Variants in KDM4C observed in about 807,000 individuals in gnomAD.
KDM4C encodes lysine-specific demethylase 4C.
Under a neutral mutation model 129.3 loss-of-function variants are expected in KDM4C, and 81 were observed. That is an observed-to-expected ratio of 0.63 (90% CI 0.52 to 0.75). The LOEUF (loss-of-function observed/expected upper bound fraction) is 0.75. KDM4C is among the 30% of genes least tolerant of loss of function. The pLI, the probability that KDM4C is intolerant of heterozygous loss-of-function variation, is 0.00. For synonymous variants in KDM4C, 573 were observed against 456.1 expected, an observed-to-expected ratio of 1.26 and a Z score of -3.26; for missense variants, 1,457 against 1,304.0, an observed-to-expected ratio of 1.12 and a Z score of -1.81.
At chr9:6,802,610 C>T (rs1829216828) in intron 2 of KDM4C, among the ~76,000 whole-genome samples, 2 of 152,108 alleles carry the variant, frequency 1.3e-5, no homozygotes, top group South Asian at 4.1e-4. Flanking sequence ...GCTACATAGG[C>T]TGTTACATTT....
chr9:6,913,922 A>G (rs1445838934), intron 8 of KDM4C, among the ~76,000 whole-genome samples: 1 of 152,198 alleles, frequency 6.6e-6, no homozygotes, highest in Non-Finnish European at 1.5e-5. Flanking sequence ...AGAGCAGGGA[A>G]TGAGCTAACA....
intron 1 of KDM4C, among the ~76,000 whole-genome samples, chr9:6,729,530 G>C (rs1251026716): frequency 1.5e-5 from 2 of 133,586 alleles, no homozygotes; most frequent in African/African-American, 3.2e-5. Context: ...TTGGATGACA[G>C]AGACCCTGTC....
chr9:6,803,585 A>G (rs555284531), intron 2 of KDM4C, among the ~76,000 whole-genome samples: 1 of 149,684 alleles, frequency 6.7e-6, no homozygotes, highest in East Asian at 1.9e-4. Context: ...AAAAAAAAAA[A>G]GTTTGTTTTA....
chr9:6,820,714 CTT>C (rs35264767), intron 4 of KDM4C, among the ~76,000 whole-genome samples: 1,479 of 127,068 alleles, frequency 0.012, 16 homozygotes, highest in African/African-American at 0.016. Context: ...CTCTCTCTCT[CTT>C]TTTTTTTTTT....
intron 2 of KDM4C, among the ~76,000 whole-genome samples, chr9:6,798,549 G>T (rs1018771763): frequency 1.3e-5 from 2 of 152,134 alleles, no homozygotes; most frequent in African/African-American, 4.8e-5. Flanking sequence ...AGAGCACAGG[G>T]TTGGGGGTAA....
rs765494911 is a variant in KDM4C at position 6,930,660 on chromosome 9, TAATAGTACAATTAATATATAATA to T, written c.921+37429_921+37451del. 5.9e-3 allele frequency among the ~76,000 whole-genome samples: 429 copies of T among 72,624 alleles called. 1 individual carries two copies. The highest frequency in any genetic ancestry group is 0.012 in the Middle Eastern group (1 of 86). 47.6% of individuals were successfully genotyped at this position (72,624 alleles called of 152,430 possible). A position where few individuals can be genotyped will look rare whatever the true frequency, so the allele number is the denominator to read the frequency against. On this transcript the variant is annotated intron_variant, in intron 8 of 21. Transcript: ENST00000381309. ...ATGTAATATGAATACATACTACATA[TAATAGTACAATTAATATATAATA>T]TATTAATTATTAACATATCATATGA...
intron 8 of KDM4C, among the ~76,000 whole-genome samples, chr9:6,930,613 TTATAA>T (rs930613945): frequency 5.9e-5 from 8 of 135,454 alleles, no homozygotes; most frequent in South Asian, 2.6e-4. Context: ...ATAAAACATG[TTATAA>T]TATATAACAT....
intron 15 of KDM4C, among the ~76,000 whole-genome samples, chr9:7,022,199 A>T (rs1172050392): frequency 9.2e-5 from 14 of 151,982 alleles, no homozygotes; most frequent in Admixed American, 9.2e-4. Context: ...GAATGTCTTT[A>T]GTATTTTGAT....
chr9:7,096,515 T>C (rs1018934388), intron 17 of KDM4C, among the ~76,000 whole-genome samples: 1 of 152,186 alleles, frequency 6.6e-6, no homozygotes, highest in African/African-American at 2.4e-5. Context: ...CCCTTATTCC[T>C]GTGCCAAGCT....
intron 4 of KDM4C, among the ~76,000 whole-genome samples, chr9:6,838,474 A>G (rs900402088): frequency 2.0e-5 from 3 of 152,196 alleles, no homozygotes; most frequent in African/African-American, 4.8e-5. Flanking sequence ...ACTTCACACT[A>G]TCAGTAGTCT....
At chr9:7,105,563 G>T (rs1319983257) in intron 18 of KDM4C, 2 of 431,212 alleles carry the variant, frequency 4.6e-6, no homozygotes, top group Admixed American at 2.6e-5. Flanking sequence ...TTAATTCCTT[G>T]CCCAAATAGA....
intron 18 of KDM4C, among the ~76,000 whole-genome samples, chr9:7,105,006 G>A (rs1837518005): frequency 6.6e-6 from 1 of 151,914 alleles, no homozygotes; most frequent in Non-Finnish European, 1.5e-5. Flanking sequence ...TATTTTATTT[G>A]TCTTATTTTT....
chr9:6,769,111 T>C (rs1195693079), intron 1 of KDM4C, among the ~76,000 whole-genome samples: 1 of 152,146 alleles, frequency 6.6e-6, no homozygotes, highest in African/African-American at 2.4e-5. Flanking sequence ...TTTTCATCAA[T>C]ACTCTTAAGT....
In KDM4C at chr9:6,849,491, TTCTC is replaced by T. The variant is rs775782695; in HGVS notation, c.436-11_436-8del. The T allele has an allele frequency of 3.3e-6, 5 of 1,516,104 alleles. No individual in the cohort carries two copies. The highest frequency in any genetic ancestry group is 4.4e-6 in the Non-Finnish European group (5 of 1,123,674). 93.9% of individuals were successfully genotyped at this position (1,516,104 alleles called of 1,614,324 possible). ...TAAGATTTGATTTCTCTCTCTTTTT[TTCTC>T]TCTCATTCCAGGGTGTGGATGAATG... On this transcript the variant is annotated splice_polypyrimidine_tract_variant and intron_variant, in intron 4 of 21. Transcript: ENST00000381309.
chr9:6,787,373 C>A (rs889772070), intron 1 of KDM4C, among the ~76,000 whole-genome samples: 1 of 152,234 alleles, frequency 6.6e-6, no homozygotes, highest in African/African-American at 2.4e-5. Flanking sequence ...GCTCGGATCA[C>A]AGGCACGCAC....
intron 15 of KDM4C, among the ~76,000 whole-genome samples, chr9:7,020,078 C>T (rs776897163): frequency 7.9e-5 from 12 of 152,026 alleles, no homozygotes; most frequent in Non-Finnish European, 1.5e-4. Flanking sequence ...TAGCTTCAGA[C>T]GTCACTCTGA....
Position 6,728,258 on chromosome 9 carries a change from G to A in KDM4C, c.49+7261G>A, listed in dbSNP as rs1453448375. On this transcript the variant is annotated intron_variant, in intron 1 of 17. Transcript: ENST00000536108. ...TATTAAAAACCAAGTATTCTTGGCC[G>A]GATGTGGTGGCTCACGCCTGTAATC... Among the ~76,000 whole-genome samples, 4 of 152,254 alleles carry A rather than the reference G, an allele frequency of 2.6e-5. No homozygotes were observed. The East Asian group carries it at 5.8e-4, about 22-fold the overall frequency.
chr9:6,813,467 C>G (rs1304166979), intron 3 of KDM4C, among the ~76,000 whole-genome samples: 2 of 152,130 alleles, frequency 1.3e-5, no homozygotes, highest in African/African-American at 2.4e-5. Flanking sequence ...ATTTGGTATT[C>G]TTGTTACACA....
At chr9:7,010,922 T>C (rs1170709261) in intron 12 of KDM4C, among the ~76,000 whole-genome samples, 4 of 152,108 alleles carry the variant, frequency 2.6e-5, no homozygotes, top group Admixed American at 2.6e-4. Flanking sequence ...TGGGTGGCTG[T>C]AATCCTAACT....
Sources: allele counts gnomAD v4.1 joint callset (sites outside exome capture counted in the v4.1 genomes callset), GRCh38; gene constraint gnomAD v4.1.1; transcripts MANE v1.5; gene names NCBI Gene and HGNC (gene_info 2026-07-23, HGNC 2026-07-21).